The following MARK4 variants were observed in gnomAD, a reference collection of about 807,000 sequenced individuals.
MARK4 encodes MAP/microtubule affinity-regulating kinase 4.
MARK4 carries 19 observed loss-of-function variants against 81.5 expected under a neutral mutation model. The observed-to-expected ratio is 0.23, with a 90% CI of 0.16 to 0.34. MARK4 has a LOEUF of 0.34. Ranked by LOEUF, MARK4 falls within the 10% of genes least tolerant of loss-of-function variation. The pLI is 1.00. For synonymous variants in MARK4, 436 were observed against 439.0 expected, an observed-to-expected ratio of 0.99 and a Z score of 0.08; for missense variants, 772 against 1,058.8, an observed-to-expected ratio of 0.73 and a Z score of 3.76.
rs540366989 is a variant in MARK4, at chr19:45,279,263, T to G, written c.1006+648T>G. The stretch of plus-strand genomic sequence containing the variant: ...CAGGCACAGTGGCTCACGCCTATAA[T>G]CTGAGCACTTTGGGAGGCTGAGGCT... On this transcript the variant is annotated intron_variant, in intron 10 of 16. Coordinates refer to ENST00000262891, the MANE Select transcript of MARK4 (RefSeq NM_001199867.2). Among the ~76,000 whole-genome samples the G allele has an allele frequency of 4.6e-5, 7 of 152,102 alleles. No homozygotes were observed. In the South Asian group the frequency reaches 1.2e-3, roughly 27 times the overall value.
At chr19:45,268,178 C>T (rs1970479864) in intron 7 of MARK4, among the ~76,000 whole-genome samples, 1 of 152,156 alleles carries the variant, frequency 6.6e-6, no homozygotes, top group Admixed American at 6.6e-5. Flanking sequence ...CGCAGTCTCA[C>T]ACCTATAATC....
Position 45,302,625 on chromosome 19 carries a change from G to A in MARK4, c.2174G>A (p.Arg725Gln), listed in dbSNP as rs548639038. The stretch of plus-strand genomic sequence containing the variant: ...TGCCAGCTGCCCCGGCCAGGCTTGC[G>A]GGGAGTTCTCTTCCGCCGTGTGGCG... ...EVCQLPRPGL[R>Q]GVLFRRVAGT... is the part of the protein sequence containing the mutation. The change falls in exon 17 of 17, where the codon CGG becomes CAG. Residue 725 changes from arginine to glutamine, a missense_variant. Physicochemically the swap from Arg to Gln is conservative, Grantham distance 43. This residue lies in a region of MARK4 where 548 missense variants were observed against 624.3 expected (regional missense o/e 0.88). Coordinates refer to ENST00000262891, the MANE Select transcript of MARK4 (RefSeq NM_001199867.2). The surrounding 1 kb of genome is among the most constrained non-coding windows in gnomAD (Gnocchi z 4.9). The A allele has an allele frequency of 7.1e-6, 11 of 1,548,880 alleles. No homozygotes were observed. The highest frequency in any genetic ancestry group is 1.2e-5 in the South Asian group (1 of 86,670).
rs914981468 is a variant in MARK4 at position 45,280,365 on chromosome 19, C to G, written c.1007-9C>G. On this transcript the variant is annotated splice_polypyrimidine_tract_variant and intron_variant, in intron 10 of 16. Transcript: ENST00000262891. ...GAGTCTGAAACTTCTCTCCATCCCC[C>G]CCTCCCAGAGGTGATGGTGGGTATG... 1.2e-6 allele frequency: 2 copies of G among 1,609,012 alleles called. No individual in the cohort carries two copies. Among genetic ancestry groups the G allele is most frequent in the Non-Finnish European group, 1.7e-6 (2 of 1,175,566 alleles).
intron 8 of MARK4, among the ~76,000 whole-genome samples, chr19:45,274,606 G>A (rs1218348037): frequency 6.6e-6 from 1 of 152,156 alleles, no homozygotes; most frequent in Non-Finnish European, 1.5e-5. Context: ...ACTCCAGCCT[G>A]GATGACAGAG....
chr19:45,263,360 C>T lies in MARK4; in HGVS notation c.348C>T (p.Pro116=), dbSNP rs1476154691. The change falls in exon 4 of 17, where the codon CCC becomes CCT. Residue 116 remains proline (P), a synonymous_variant. Transcript: ENST00000262891. The part of the protein sequence containing the change: ...EVRIMKGLNH[P]NIVKLFEVIE... ...GCATCATGAAGGGCCTAAACCACCCCAACATCGGTGAGGAGGGAATGGGAG... is the reference window on the plus strand; with the variant it reads ...GCATCATGAAGGGCCTAAACCACCCTAACATCGGTGAGGAGGGAATGGGAG... 1 of 1,614,156 alleles carries T rather than the reference C, an allele frequency of 6.2e-7. No individual in the cohort carries two copies. The highest frequency in any genetic ancestry group is 8.5e-7 in the Non-Finnish European group (1 of 1,180,010).
intron 2 of MARK4, 95 bp downstream of exon 2, chr19:45,259,284 C>A: frequency 7.1e-7 from 1 of 1,398,918 alleles, no homozygotes; most frequent in Non-Finnish European, 9.7e-7. Context: ...CCTGGGTTTG[C>A]TTTGTGGCCT....
intron 12 of MARK4, among the ~76,000 whole-genome samples, chr19:45,285,629 C>T (rs149401096): frequency 6.7e-6 from 1 of 149,494 alleles, no homozygotes; most frequent in East Asian, 1.9e-4. Flanking sequence ...TCCTAAGGAG[C>T]TTGTGACTTT....
At chr19:45,270,565 A>G (rs1394356469) in intron 7 of MARK4, among the ~76,000 whole-genome samples, 1 of 152,064 alleles carries the variant, frequency 6.6e-6, no homozygotes, top group Non-Finnish European at 1.5e-5. Context: ...TAATAGTGAT[A>G]TTACATAGTA....
At chr19:45,287,690 G>A in intron 13 of MARK4, 26 bp downstream of exon 13, 2 of 1,593,918 alleles carry the variant, frequency 1.3e-6, no homozygotes, top group South Asian at 2.3e-5. Flanking sequence ...TGGGGGGCAG[G>A]GCTGGGGGCG....
At chr19:45,268,451 G>A (rs1407197689) in intron 7 of MARK4, among the ~76,000 whole-genome samples, 1 of 151,956 alleles carries the variant, frequency 6.6e-6, no homozygotes, top group African/African-American at 2.4e-5. Flanking sequence ...GGTCGTTGTG[G>A]CGCGTGCCTA....
intron 7 of MARK4, among the ~76,000 whole-genome samples, chr19:45,269,491 AG>A (rs1378772791): frequency 2.0e-5 from 3 of 152,150 alleles, no homozygotes; most frequent in African/African-American, 7.2e-5. Context: ...TTATTGGGGC[AG>A]GAGCTGGGGA....
Position 45,264,909 on chromosome 19 carries a change from A to C in MARK4, c.491A>C (p.Gln164Pro). The C allele has an allele frequency of 6.2e-7, 1 of 1,614,000 alleles. No homozygotes were observed. The highest frequency in any genetic ancestry group is 8.5e-7 in the Non-Finnish European group (1 of 1,179,928). The stretch of plus-strand genomic sequence containing the variant: ...AAGGAAGCTCGAGCCAAGTTCCGAC[A>C]GGTTGGGGCAGGGCTGAGGGTGGGG... ...KEKEARAKFR[Q>P]IVSAVHYCHQ... Residue 164 changes from glutamine (Q) to proline (P), a missense_variant and splice_region_variant, in exon 6 of 17, where the codon CAG becomes CCG. Physicochemically the swap from Gln to Pro is moderately conservative, Grantham distance 76. This residue lies in a region of MARK4 where 109 missense variants were observed against 294.7 expected (regional missense o/e 0.37). Coordinates refer to ENST00000262891, the MANE Select transcript of MARK4 (RefSeq NM_001199867.2).
chr19:45,298,194 C>T (rs763548804), intron 15 of MARK4: 14 of 1,613,952 alleles, frequency 8.7e-6, no homozygotes, highest in Admixed American at 3.3e-5. Context: ...GTGTTTCGGG[C>T]GCCTCTCTGC....
chr19:45,266,232 C>T lies in MARK4; in HGVS notation c.500C>T (p.Ser167Leu), dbSNP rs534682723. 3 of 1,613,748 alleles carry T rather than the reference C, an allele frequency of 1.9e-6. No individual in the cohort carries two copies. The highest frequency in any genetic ancestry group is 1.7e-5 in the Admixed American group (1 of 59,984). ...EARAKFRQIV[S>L]AVHYCHQKNI... ...CTTCCCCTTCCCTCCCAGATTGTTT[C>T]GGCTGTGCACTATTGTCACCAGAAA... Residue 167 changes from serine (S) to leucine (L), a missense_variant, in exon 7 of 17, where the codon TCG becomes TTG. Around this residue, in one of 3 missense-constraint regions of MARK4, gnomAD observed 109 missense variants for 294.7 expected, o/e 0.37. Transcript: ENST00000262891.
At position 45,251,652 on chromosome 19, in the gene MARK4, C is replaced by G. The variant is rs542864237; in HGVS notation, c.51+13C>G. On this transcript the variant is annotated intron_variant, in intron 1 of 16. Coordinates refer to ENST00000262891, the MANE Select transcript of MARK4 (RefSeq NM_001199867.2). ...GAACTCGGACACGGTGAGTGGGGCC[C>G]GGCCCCTTGGGGAGCCCTGGCTGGG... 9 of 1,514,480 alleles carry G rather than the reference C, an allele frequency of 5.9e-6. No individual in the cohort carries two copies. The Admixed American group carries it at 2.0e-4, about 33-fold the overall frequency. The allele number at this position is 1,514,480 out of a possible 1,614,324, so 93.8% of individuals were successfully genotyped here. A position where few individuals can be genotyped will look rare whatever the true frequency, so the allele number is the denominator to read the frequency against.
chr19:45,283,409 CAAAAAAAAA>C (rs869039919), intron 12 of MARK4, among the ~76,000 whole-genome samples: 1,428 of 86,392 alleles, frequency 0.017, 27 homozygotes, highest in Non-Finnish European at 0.024. Context: ...GACTTCCTCT[CAAAAAAAAA>C]AAAAAAAAAA....
intron 1 of MARK4, among the ~76,000 whole-genome samples, chr19:45,257,632 C>G (rs1460012855): frequency 6.6e-6 from 1 of 151,716 alleles, no homozygotes; most frequent in African/African-American, 2.4e-5. Flanking sequence ...ATCCACCTGC[C>G]TTGGCCTCCC....
chr19:45,286,884 T>C (rs1467444322), intron 12 of MARK4, among the ~76,000 whole-genome samples: 1 of 152,218 alleles, frequency 6.6e-6, no homozygotes, highest in East Asian at 1.9e-4. Context: ...ACCCATCTCT[T>C]GTCTTGCCTT....
chr19:45,265,221 C>T (rs151016226), intron 6 of MARK4, among the ~76,000 whole-genome samples: 5 of 151,910 alleles, frequency 3.3e-5, no homozygotes, highest in African/African-American at 4.8e-5. Context: ...GATGGGGGCA[C>T]GAAGGTGCCA....
Sources: allele counts gnomAD v4.1 joint callset (sites outside exome capture counted in the v4.1 genomes callset), GRCh38; gene constraint gnomAD v4.1.1; regional missense constraint gnomAD v4.1.1; non-coding constraint Gnocchi (gnomAD v3.1); transcripts MANE v1.5; gene names NCBI Gene and HGNC (gene_info 2026-07-23, HGNC 2026-07-21).